Variants in GSPT1 observed in about 807,000 individuals in gnomAD.
GSPT1 encodes G1 to S phase transition 1.
GSPT1 carries 20 observed loss-of-function variants against 72.5 expected under a neutral mutation model. That is an observed-to-expected ratio of 0.28 (90% CI 0.19 to 0.40). The LOEUF (loss-of-function observed/expected upper bound fraction) is 0.40, where lower values mean the gene tolerates loss of function less well. Ranked by LOEUF, GSPT1 falls within the 10% of genes least tolerant of loss-of-function variation. The probability of loss-of-function intolerance (pLI) is 1.00; values close to 1 mark genes in which losing one functional copy is unlikely to be tolerated. For missense variants in GSPT1, 580 were observed against 811.9 expected (o/e 0.71, Z 3.47); for synonymous variants, 334 against 293.5 (o/e 1.14, Z -1.41).
chr16:11,912,036 G>A (rs1040506251), intron 1 of GSPT1, among the ~76,000 whole-genome samples: 1 of 121,182 alleles, frequency 8.3e-6, no homozygotes, highest in African/African-American at 3.5e-5. Flanking sequence ...TAAGTTAAAT[G>A]TCAATCATTT....
intron 5 of GSPT1, among the ~76,000 whole-genome samples, chr16:11,893,146 G>C (rs2054290925): frequency 6.6e-6 from 1 of 151,902 alleles, no homozygotes; most frequent in Non-Finnish European, 1.5e-5. Flanking sequence ...TGTAGTCCCA[G>C]CTACTTGGGA....
chr16:11,902,376 C>CA (rs1209635801), intron 1 of GSPT1, among the ~76,000 whole-genome samples: 17 of 92,236 alleles, frequency 1.8e-4, no homozygotes, highest in African/African-American at 7.6e-4. Flanking sequence ...GACTCTGTCT[C>CA]AAAAACAGAC....
intron 1 of GSPT1, among the ~76,000 whole-genome samples, chr16:11,900,096 G>C (rs920880341): frequency 6.6e-6 from 1 of 152,126 alleles, no homozygotes; most frequent in Non-Finnish European, 1.5e-5. Flanking sequence ...CACTTTGGGA[G>C]GCGGAAGCGG....
chr16:11,895,069 A>G (rs1210994060), intron 4 of GSPT1, 82 bp from the exon 5 acceptor site: 2 of 795,484 alleles, frequency 2.5e-6, no homozygotes, highest in Non-Finnish European at 4.3e-6. Context: ...ACCCTTTAAC[A>G]TACATAATTA....
chr16:11,903,744 G>A (rs1341825588), intron 1 of GSPT1, among the ~76,000 whole-genome samples: 1 of 152,160 alleles, frequency 6.6e-6, no homozygotes, highest in African/African-American at 2.4e-5. Context: ...GTACAACACA[G>A]TGTGAATGTA....
chr16:11,873,683 G>T (rs1049246365), intron 14 of GSPT1, among the ~76,000 whole-genome samples: 5 of 151,930 alleles, frequency 3.3e-5, no homozygotes, highest in Admixed American at 1.3e-4. Context: ...CTCCTTCTGG[G>T]TTCAAGTGAT....
Position 11,915,429 on chromosome 16 carries a change from G to T in GSPT1, c.292C>A (p.Pro98Thr), listed in dbSNP as rs1319018758. 2 of 1,517,570 alleles carry T rather than the reference G, an allele frequency of 1.3e-6. No individual in the cohort carries two copies. The highest frequency in any genetic ancestry group is 2.8e-5 in the East Asian group (1 of 35,666). The allele number at this position is 1,517,570 out of a possible 1,614,324, so 94.0% of individuals were successfully genotyped here. A position where few individuals can be genotyped will look rare whatever the true frequency, so the allele number is the denominator to read the frequency against. ...TTATTGGCGGCGCCGCCAACTGGGG[G>T]TGGCGGCGCTGCCGGGCCCCGCAGG... is the stretch of plus-strand genomic sequence containing the variant. ...SFLRGPAAPP[P>T]PVGGAANNHG... The change falls in exon 1 of 15, where the codon CCC becomes ACC. Residue 98 changes from proline to threonine, a missense_variant. By Grantham distance (38) the Pro-to-Thr change is conservative (BLOSUM62 -1). Coordinates refer to ENST00000434724, the MANE Select transcript of GSPT1 (RefSeq NM_002094.4).
At chr16:11,873,581 G>A (rs964862945) in intron 14 of GSPT1, among the ~76,000 whole-genome samples, 1 of 151,978 alleles carries the variant, frequency 6.6e-6, no homozygotes, top group Non-Finnish European at 1.5e-5. Context: ...AAAGTGCTGG[G>A]ATTACAGGCA....
At chr16:11,897,518 G>A (rs1441719443) in intron 3 of GSPT1, among the ~76,000 whole-genome samples, 4 of 152,148 alleles carry the variant, frequency 2.6e-5, no homozygotes, top group African/African-American at 9.7e-5. Context: ...CTGGGAGGCG[G>A]AGGTTGCAGT....
At chr16:11,881,655 C>CTTTTTTTTCTTTTTTTTTTTTTT (rs2054123517) in intron 11 of GSPT1, 1 of 92,730 alleles carries the variant, frequency 1.1e-5, no homozygotes, top group African/African-American at 3.9e-5. Context: ...ACTTCCATAG[C>CTTTTTTTTCTTTTTTTTTTTTTT]TTTTTTTTTT....
intron 3 of GSPT1, 98 bp downstream of exon 3, chr16:11,897,742 T>C (rs1352841287): frequency 2.8e-6 from 2 of 702,352 alleles, no homozygotes; most frequent in African/African-American, 1.8e-5. Context: ...GTCTTAAATG[T>C]AGGCATTACA....
intron 5 of GSPT1, among the ~76,000 whole-genome samples, chr16:11,894,591 T>C (rs2054311816): frequency 1.3e-5 from 2 of 152,190 alleles, no homozygotes; most frequent in South Asian, 4.1e-4. Context: ...TTAAAAAATG[T>C]AAAAAGCTTT....
intron 1 of GSPT1, among the ~76,000 whole-genome samples, chr16:11,904,582 G>C (rs559065395): frequency 1.3e-5 from 2 of 152,000 alleles, no homozygotes; most frequent in Admixed American, 1.3e-4. Flanking sequence ...ATGGGTCAAA[G>C]GACTTGAATA....
intron 5 of GSPT1, among the ~76,000 whole-genome samples, chr16:11,893,039 C>T (rs548048979): frequency 8.6e-5 from 13 of 151,670 alleles, no homozygotes; most frequent in East Asian, 3.9e-4. Flanking sequence ...GCAACCATTC[C>T]GTAAATCTAA....
At chr16:11,888,101 G>T (rs959048789) in intron 6 of GSPT1, among the ~76,000 whole-genome samples, 5 of 152,212 alleles carry the variant, frequency 3.3e-5, no homozygotes, top group African/African-American at 1.2e-4. Context: ...GTTGCAGCGA[G>T]CCAAGACCGT....
chr16:11,876,206 T>C (rs757483069), intron 12 of GSPT1, 31 bp from the exon 13 acceptor site: 8 of 1,317,424 alleles, frequency 6.1e-6, no homozygotes, highest in African/African-American at 1.4e-5. Flanking sequence ...TTCTTATCTT[T>C]AGCCTTAGGG....
Position 11,887,503 on chromosome 16 carries a change from T to G in GSPT1, c.957+67A>C, listed in dbSNP as rs956019853. The G allele has an allele frequency of 1.8e-5, 23 of 1,298,628 alleles. No homozygotes were observed. In the East Asian group the frequency reaches 5.1e-4, roughly 29 times the overall value. The allele number at this position is 1,298,628 out of a possible 1,614,324, so 80.4% of individuals were successfully genotyped here. A position where few individuals can be genotyped will look rare whatever the true frequency, so the allele number is the denominator to read the frequency against. ...TGAATTTGAGCTTTTAGAAGATAAA[T>G]TCAAATTTAAAGATATAAGCGGGGC... On this transcript the variant is annotated intron_variant, in intron 7 of 14. Coordinates refer to ENST00000434724, the MANE Select transcript of GSPT1 (RefSeq NM_002094.4).
At chr16:11,888,463 CAAA>C (rs1342911354) in intron 6 of GSPT1, among the ~76,000 whole-genome samples, 2 of 73,612 alleles carry the variant, frequency 2.7e-5, no homozygotes. Flanking sequence ...CTCTGTCTCT[CAAA>C]AAAAAAAAAA....
Position 11,915,497 on chromosome 16 carries a change from G to C in GSPT1, c.224C>G (p.Pro75Arg). ...GGCGGCGTGGACGTTGGGCACGAAG[G>C]GCTTGGCGTTGACGTTGAGTTGCCG... is the stretch of plus-strand genomic sequence containing the variant. ...FSRQLNVNAK[P>R]FVPNVHAAEF... is the part of the protein sequence containing the mutation. The change falls in exon 1 of 15, where the codon CCC becomes CGC. Residue 75 changes from proline (P) to arginine (R), a missense_variant. Around this residue, in one of 6 missense-constraint regions of GSPT1, gnomAD observed 327 missense variants for 298.8 expected, o/e 1.09. Coordinates refer to ENST00000434724, the MANE Select transcript of GSPT1 (RefSeq NM_002094.4). 1 of 1,550,528 alleles carries C rather than the reference G, an allele frequency of 6.4e-7. No individual in the cohort carries two copies. The highest frequency in any genetic ancestry group is 2.6e-5 in the East Asian group (1 of 38,110).
Sources: allele counts gnomAD v4.1 joint callset (sites outside exome capture counted in the v4.1 genomes callset), GRCh38; gene constraint gnomAD v4.1.1; regional missense constraint gnomAD v4.1.1; transcripts MANE v1.5; gene names NCBI Gene and HGNC (gene_info 2026-07-23, HGNC 2026-07-21).